The following CNBD1 variants were observed in gnomAD, a reference collection of about 807,000 sequenced individuals.
CNBD1 encodes the protein cyclic nucleotide binding domain containing 1, also known as cyclic nucleotide-binding domain-containing protein 1.
A neutral mutation model predicts 54.4 loss-of-function variants in CNBD1; 71 were observed. The observed-to-expected ratio is 1.30, with a 90% confidence interval of 1.08 to 1.59. The LOEUF (loss-of-function observed/expected upper bound fraction) is 1.59. CNBD1 is among the 40% of genes most tolerant of loss of function. CNBD1 has a pLI of 0.00. For synonymous variants in CNBD1, 182 were observed against 170.7 expected, an observed-to-expected ratio of 1.07 and a Z score of -0.51; for missense variants, 659 against 518.0, an observed-to-expected ratio of 1.27 and a Z score of -2.64.
intron 2 of CNBD1, among the ~76,000 whole-genome samples, chr8:87,403,821 G>T (rs1807607083): frequency 6.6e-6 from 1 of 151,794 alleles, no homozygotes; most frequent in Admixed American, 6.6e-5. Flanking sequence ...TTGAGTTTTA[G>T]CAATTCTTTT....
At chr8:87,261,112 C>T (rs1037898149) in intron 6 of CNBD1, among the ~76,000 whole-genome samples, 22 of 152,144 alleles carry the variant, frequency 1.4e-4, no homozygotes, top group Admixed American at 2.6e-4. Flanking sequence ...AAATTCAAGA[C>T]AGTTAATTCC....
intron 8 of CNBD1, among the ~76,000 whole-genome samples, chr8:87,327,577 C>T: frequency 6.6e-6 from 1 of 152,162 alleles, no homozygotes. Context: ...CCAGGTGCGT[C>T]AGTCACCCCT....
At chr8:87,192,337 G>T (rs1813630612) in intron 4 of CNBD1, among the ~76,000 whole-genome samples, 2 of 151,858 alleles carry the variant, frequency 1.3e-5, no homozygotes, top group Non-Finnish European at 2.9e-5. Context: ...TTAATTTATT[G>T]TATGTCAGAT....
chr8:86,889,420 A>T (rs750272960), intron 2 of CNBD1, among the ~76,000 whole-genome samples: 6 of 152,156 alleles, frequency 3.9e-5, no homozygotes, highest in Non-Finnish European at 5.9e-5. Flanking sequence ...TTTAGGAAAA[A>T]TGTATTTCTC....
At chr8:86,893,001 C>T (rs998620187) in intron 2 of CNBD1, among the ~76,000 whole-genome samples, 1 of 152,052 alleles carries the variant, frequency 6.6e-6, no homozygotes, top group African/African-American at 2.4e-5. Flanking sequence ...GGTTTATGTA[C>T]ACATAAAAGA....
chr8:87,374,761 T>A (rs1439897094), intron 10 of CNBD1, among the ~76,000 whole-genome samples: 6 of 151,832 alleles, frequency 4.0e-5, no homozygotes, highest in South Asian at 4.1e-4. Flanking sequence ...CAGCATCACG[T>A]GATGATGAGA....
intron 4 of CNBD1, among the ~76,000 whole-genome samples, chr8:87,033,493 A>G (rs1407121996): frequency 6.6e-6 from 1 of 152,214 alleles, no homozygotes; most frequent in African/African-American, 2.4e-5. Context: ...TTGTACAACC[A>G]GGACTGGTAG....
At chr8:87,109,333 C>T (rs1740473919) in intron 4 of CNBD1, among the ~76,000 whole-genome samples, 1 of 151,928 alleles carries the variant, frequency 6.6e-6, no homozygotes, top group African/African-American at 2.4e-5. Context: ...TATTTATGCA[C>T]CAGATGGATA....
At chr8:87,274,469 G>A (rs1226350708) in intron 6 of CNBD1, among the ~76,000 whole-genome samples, 5 of 148,292 alleles carry the variant, frequency 3.4e-5, no homozygotes, top group Non-Finnish European at 7.4e-5. Context: ...CATTCTAACT[G>A]GTGTGAGATG....
At chr8:87,086,115 G>T (rs186148596) in intron 4 of CNBD1, among the ~76,000 whole-genome samples, 83 of 152,266 alleles carry the variant, frequency 5.5e-4, no homozygotes, top group Non-Finnish European at 1.0e-3. Context: ...CTGGAGAAGA[G>T]TTTGTGAATG....
At chr8:87,026,474 AG>A (rs1394378604) in intron 4 of CNBD1, among the ~76,000 whole-genome samples, 2 of 152,144 alleles carry the variant, frequency 1.3e-5, no homozygotes, top group African/African-American at 4.8e-5. Context: ...TCTTAAAAAA[AG>A]TAGGTAAGCA....
intron 5 of CNBD1, among the ~76,000 whole-genome samples, chr8:87,229,888 G>A (rs182243475): frequency 6.6e-6 from 1 of 152,268 alleles, no homozygotes; most frequent in Admixed American, 6.5e-5. Context: ...GTCAATTTCT[G>A]AACTCTCTTA....
chr8:87,238,259 T>C (rs541308246), intron 6 of CNBD1, among the ~76,000 whole-genome samples: 1 of 152,194 alleles, frequency 6.6e-6, no homozygotes, highest in Non-Finnish European at 1.5e-5. Context: ...AGGCTTCCAC[T>C]TAATCTTTAC....
chr8:87,155,664 G>A, intron 4 of CNBD1, among the ~76,000 whole-genome samples: 1 of 152,100 alleles, frequency 6.6e-6, no homozygotes, highest in Admixed American at 6.6e-5. Context: ...AGACTGAGTG[G>A]GCATGCCTTA....
chr8:87,242,617 A>C (rs148401748), intron 6 of CNBD1, among the ~76,000 whole-genome samples: 1 of 152,264 alleles, frequency 6.6e-6, no homozygotes, highest in Non-Finnish European at 1.5e-5. Flanking sequence ...AGATAGAACC[A>C]ATGCACATCT....
chr8:87,010,130 A>G (rs975403223), intron 4 of CNBD1, among the ~76,000 whole-genome samples: 2 of 152,146 alleles, frequency 1.3e-5, no homozygotes, highest in African/African-American at 2.4e-5. Context: ...ATAAAATTCA[A>G]TGAAGTTACA....
chr8:87,398,149 T>G (rs754169254), intron 2 of CNBD1, among the ~76,000 whole-genome samples: 34 of 151,630 alleles, frequency 2.2e-4, no homozygotes, highest in Non-Finnish European at 4.1e-4. Flanking sequence ...ACCTGTGTTG[T>G]CAGCAAACAC....
chr8:87,234,910 T>C lies in CNBD1; in HGVS notation c.578-2009T>C, dbSNP rs150749589. Among the ~76,000 whole-genome samples, 348 of 152,324 alleles carry C rather than the reference T, an allele frequency of 2.3e-3. 1 individual carries two copies. The highest frequency in any genetic ancestry group is 7.6e-3 in the African/African-American group (318 of 41,584). On this transcript the variant is annotated intron_variant, in intron 5 of 10. Coordinates refer to ENST00000518476, the MANE Select transcript of CNBD1 (RefSeq NM_173538.3). ...ACAATAGAATGCTGTTTCATCTACA[T>C]TGAAAATCTGTTTAGTGTAACCACC...
intron 4 of CNBD1, among the ~76,000 whole-genome samples, chr8:87,081,172 C>T (rs1810982487): frequency 6.6e-6 from 1 of 151,956 alleles, no homozygotes; most frequent in South Asian, 2.1e-4. Context: ...ACTTATTTAG[C>T]TTCATCCTAT....
Sources: gnomAD v4.1 joint callset for allele counts (sites outside exome capture counted in the v4.1 genomes callset) on GRCh38, gnomAD v4.1.1 for gene constraint, MANE v1.5 for transcripts, NCBI Gene and HGNC (gene_info 2026-07-23, HGNC 2026-07-21) for gene names.